Variants in CTNNA2 observed in about 807,000 individuals in gnomAD.
CTNNA2 encodes catenin alpha-2.
A neutral mutation model predicts 101.0 loss-of-function variants in CTNNA2; 42 were observed. The observed-to-expected ratio is 0.42, with a 90% CI of 0.32 to 0.54. The LOEUF (loss-of-function observed/expected upper bound fraction) is 0.54. Ranked by LOEUF, CTNNA2 falls within the 20% of genes least tolerant of loss-of-function variation. The pLI is 0.14. For missense variants in CTNNA2, 871 were observed against 1,223.1 expected, an observed-to-expected ratio of 0.71 and a Z score of 4.29; for synonymous variants, 450 against 456.4, an observed-to-expected ratio of 0.99 and a Z score of 0.18.
At chr2:80,512,674 AT>A (rs1050396170) in intron 9 of CTNNA2, among the ~76,000 whole-genome samples, 1 of 49,766 alleles carries the variant, frequency 2.0e-5, no homozygotes, top group Non-Finnish European at 3.6e-5. Context: ...ATATTTTTAA[AT>A]TCTTTTTTTT....
intron 7 of CTNNA2, among the ~76,000 whole-genome samples, chr2:80,058,668 T>A (rs1012080179): frequency 3.9e-5 from 6 of 152,168 alleles, no homozygotes; most frequent in Non-Finnish European, 8.8e-5. Flanking sequence ...TTTGGGTAGA[T>A]GTTATTTTAA....
chr2:80,636,319 AT>A (rs1304127281), intron 18 of CTNNA2, among the ~76,000 whole-genome samples: 1 of 152,210 alleles, frequency 6.6e-6, no homozygotes, highest in Non-Finnish European at 1.5e-5. Flanking sequence ...TTAAGACCGA[AT>A]AAAAGATTAA....
chr2:79,837,455 C>T (rs1373613287), intron 3 of CTNNA2, among the ~76,000 whole-genome samples: 1 of 152,196 alleles, frequency 6.6e-6, no homozygotes, highest in Non-Finnish European at 1.5e-5. Flanking sequence ...CTCACAGACA[C>T]ACCTAGGATC....
intron 18 of CTNNA2, among the ~76,000 whole-genome samples, chr2:80,634,223 T>G (rs1672612426): frequency 6.6e-6 from 1 of 152,052 alleles, no homozygotes; most frequent in African/African-American, 2.4e-5. Flanking sequence ...ATAAGAATAT[T>G]AAAATAGAGA....
chr2:79,892,233 A>G (rs1309929681), intron 6 of CTNNA2, among the ~76,000 whole-genome samples: 1 of 152,184 alleles, frequency 6.6e-6, no homozygotes, highest in Non-Finnish European at 1.5e-5. Flanking sequence ...GAGTTGTACC[A>G]GAGCTCCTGT....
chr2:79,492,288 T>C (rs1167304012), intron 4 of CTNNA2, among the ~76,000 whole-genome samples: 1 of 151,982 alleles, frequency 6.6e-6, no homozygotes, highest in Non-Finnish European at 1.5e-5. Flanking sequence ...TTAATATTAC[T>C]AAATGTATTT....
chr2:80,115,823 C>G (rs1031456253), intron 7 of CTNNA2, among the ~76,000 whole-genome samples: 1 of 152,094 alleles, frequency 6.6e-6, no homozygotes, highest in Non-Finnish European at 1.5e-5. Flanking sequence ...GCAATTATAA[C>G]AGTTAAGGAA....
At chr2:80,068,844 A>G (rs1210810837) in intron 7 of CTNNA2, among the ~76,000 whole-genome samples, 2 of 152,112 alleles carry the variant, frequency 1.3e-5, no homozygotes, top group African/African-American at 4.8e-5. Flanking sequence ...ACCCCTGACT[A>G]GTGGCAGATG....
chr2:80,368,552 A>C (rs1675144886), intron 7 of CTNNA2, among the ~76,000 whole-genome samples: 1 of 152,088 alleles, frequency 6.6e-6, no homozygotes, highest in South Asian at 2.1e-4. Flanking sequence ...GGGTACAAAA[A>C]GTAAGCCTTA....
intron 11 of CTNNA2, among the ~76,000 whole-genome samples, chr2:80,552,957 C>T (rs1177461335): frequency 2.0e-5 from 3 of 151,564 alleles, no homozygotes. Flanking sequence ...TGGGTCATGC[C>T]TGTAATCCCA....
intron 8 of CTNNA2, among the ~76,000 whole-genome samples, chr2:80,402,275 T>A (rs1263024414): frequency 6.6e-6 from 1 of 152,220 alleles, no homozygotes; most frequent in African/African-American, 2.4e-5. Context: ...TTCCATTTTT[T>A]CAGCAACCAA....
intron 1 of CTNNA2, among the ~76,000 whole-genome samples, chr2:79,526,918 T>A (rs1672439104): frequency 6.6e-6 from 1 of 152,176 alleles, no homozygotes; most frequent in African/African-American, 2.4e-5. Context: ...TTAGTGACCT[T>A]GGATTAGGCA....
chr2:80,040,975 T>C (rs1359253481), intron 7 of CTNNA2, among the ~76,000 whole-genome samples: 3 of 152,154 alleles, frequency 2.0e-5, no homozygotes, highest in Admixed American at 2.0e-4. Context: ...TGAATTACAG[T>C]CAATCCACAC....
At chr2:79,405,733 A>G (rs935892782) in intron 4 of CTNNA2, among the ~76,000 whole-genome samples, 1 of 152,088 alleles carries the variant, frequency 6.6e-6, no homozygotes, top group African/African-American at 2.4e-5. Flanking sequence ...TGATCAAATC[A>G]GGGTAATAAG....
chr2:80,388,846 G>A (rs1434679606), intron 7 of CTNNA2, among the ~76,000 whole-genome samples: 1 of 152,172 alleles, frequency 6.6e-6, no homozygotes, highest in Non-Finnish European at 1.5e-5. Context: ...TGAGGCTTCT[G>A]GTTGACTCCT....
chr2:79,857,998 G>A lies in CTNNA2; in HGVS notation c.299-15G>A, dbSNP rs201572950. ...CTCTTGTCTACCCACCTGCCTCTCC[G>A]TGTCTGTCTTCCAGGTGAGACGATG... On this transcript the variant is annotated splice_polypyrimidine_tract_variant and intron_variant, in intron 3 of 18. Transcript: ENST00000402739. The A allele has an allele frequency of 2.2e-5, 35 of 1,604,506 alleles. No individual in the cohort carries two copies. Among genetic ancestry groups the A allele is most frequent in the Admixed American group, 1.2e-4 (7 of 59,826 alleles).
chr2:80,051,246 A>G (rs1256453643), intron 7 of CTNNA2, among the ~76,000 whole-genome samples: 1 of 152,196 alleles, frequency 6.6e-6, no homozygotes, highest in Non-Finnish European at 1.5e-5. Context: ...TTGAGGTTAA[A>G]TGTGTTGTTT....
intron 18 of CTNNA2, among the ~76,000 whole-genome samples, chr2:80,631,361 A>ATTTTT (rs35491193): frequency 7.8e-4 from 84 of 108,322 alleles, no homozygotes; most frequent in African/African-American, 2.6e-3. Flanking sequence ...GAAACCACTA[A>ATTTTT]TTTTTTTTTT....
intron 1 of CTNNA2, among the ~76,000 whole-genome samples, chr2:79,514,403 G>A (rs13413674): frequency 0.21 from 31,661 of 152,144 alleles, 3,574 homozygotes; most frequent in African/African-American, 0.3. Flanking sequence ...AGAGAAACAT[G>A]CTGTGTGATT....
Sources: gnomAD v4.1 joint callset for allele counts (sites outside exome capture counted in the v4.1 genomes callset) on GRCh38, gnomAD v4.1.1 for gene constraint, MANE v1.5 for transcripts, NCBI Gene and HGNC (gene_info 2026-07-23, HGNC 2026-07-21) for gene names.